TBC1D2B: variants seen among roughly 807,000 people sequenced by gnomAD.
The protein encoded by TBC1D2B is TBC1 domain family member 2B.
A neutral mutation model predicts 100.8 loss-of-function variants in TBC1D2B; 64 were observed. The observed-to-expected ratio is 0.64, with a 90% CI of 0.52 to 0.78. TBC1D2B has a LOEUF of 0.78. Among genes scored for constraint, TBC1D2B ranks in the 30% least tolerant of loss-of-function variants. The probability of loss-of-function intolerance (pLI) is 0.00; values close to 1 mark genes in which losing one functional copy is unlikely to be tolerated. For missense variants in TBC1D2B, 1,052 were observed against 1,218.4 expected, an observed-to-expected ratio of 0.86 and a Z score of 2.03; for synonymous variants, 480 against 479.7, an observed-to-expected ratio of 1.00 and a Z score of -0.01.
intron 11 of TBC1D2B, chr15:78,002,962 A>C: frequency 5.1e-6 from 1 of 195,280 alleles, no homozygotes; most frequent in Non-Finnish European, 1.1e-5. Flanking sequence ...AGCCCCCCTA[A>C]TCCCCTGCTT....
intron 1 of TBC1D2B, among the ~76,000 whole-genome samples, chr15:78,060,265 A>G (rs2073515346): frequency 6.6e-6 from 1 of 152,168 alleles, no homozygotes; most frequent in South Asian, 2.1e-4. Context: ...GCAAGCAAAC[A>G]TTTTCCTTTA....
Position 78,044,839 on chromosome 15 carries a change from T to C in TBC1D2B, c.683+61A>G, listed in dbSNP as rs534541702. 5.7e-6 allele frequency: 8 copies of C among 1,391,790 alleles called. No homozygotes were observed. In the South Asian group the frequency reaches 9.7e-5, roughly 17 times the overall value. The allele number at this position is 1,391,790 out of a possible 1,614,324, so 86.2% of individuals were successfully genotyped here. On this transcript the variant is annotated intron_variant, in intron 3 of 12. Coordinates refer to ENST00000300584, the MANE Select transcript of TBC1D2B (RefSeq NM_144572.2). Reference sequence around the variant, plus strand: ...TTTTATAACTTCATTTATAAAATTATAACATACATTATCAGAAACAACCCA... The same window carrying C: ...TTTTATAACTTCATTTATAAAATTACAACATACATTATCAGAAACAACCCA...
chr15:77,998,409 C>T (rs531464630), intron 12 of TBC1D2B, 54 bp from the exon 13 acceptor site: 193 of 1,479,848 alleles, frequency 1.3e-4, no homozygotes, highest in Non-Finnish European at 1.7e-4. Flanking sequence ...AGAGAGTGCT[C>T]ACACACAGCC....
chr15:78,054,352 T>C lies in TBC1D2B; in HGVS notation c.361-165A>G, dbSNP rs79855541. Among the ~76,000 whole-genome samples, 1,971 of 152,310 alleles carry C rather than the reference T, an allele frequency of 0.013. 44 individuals are homozygous for C. The highest frequency in any genetic ancestry group is 0.045 in the African/African-American group (1,850 of 41,548). ...ATTAGTAGCTTTTGCTCATGATGAG[T>C]TGGTCAAGCAAATAGCAATTGTAAC... On this transcript the variant is annotated intron_variant, in intron 1 of 12. Coordinates refer to ENST00000300584, the MANE Select transcript of TBC1D2B (RefSeq NM_144572.2).
At chr15:78,044,799 G>T in intron 3 of TBC1D2B, 101 bp downstream of exon 3, 1 of 1,126,732 alleles carries the variant, frequency 8.9e-7, no homozygotes. Flanking sequence ...AAAGGCCTTT[G>T]TAAGTGTAAG....
At chr15:78,008,550 TG>T (rs1302121477) in intron 10 of TBC1D2B, among the ~76,000 whole-genome samples, 3 of 152,220 alleles carry the variant, frequency 2.0e-5, no homozygotes, top group Admixed American at 2.0e-4. Context: ...CCTCCCTTCC[TG>T]GGGCTGGAAC....
At chr15:78,042,329 T>G (rs1307100265) in intron 3 of TBC1D2B, among the ~76,000 whole-genome samples, 3 of 152,102 alleles carry the variant, frequency 2.0e-5, no homozygotes, top group African/African-American at 7.2e-5. Context: ...GTCCCCCAAA[T>G]GTGTTCTTAT....
Position 77,995,557 on chromosome 15 carries a change from T to C in TBC1D2B, c.*2603A>G, listed in dbSNP as rs1156969946. The C allele has an allele frequency of 2.6e-5, 4 of 152,162 alleles. No homozygotes were observed. Among genetic ancestry groups the C allele is most frequent in the East Asian group, 3.9e-4 (2 of 5,108 alleles). The allele number at this position is 152,162 out of a possible 1,614,324, so 9.4% of individuals were successfully genotyped here. A position where few individuals can be genotyped will look rare whatever the true frequency, so the allele number is the denominator to read the frequency against. ...ACACACATAACATAATAACTTGTTATATAAAATAGATATGTGGAATCTAGA... is the reference window on the plus strand; with the variant it reads ...ACACACATAACATAATAACTTGTTACATAAAATAGATATGTGGAATCTAGA... On this transcript the variant is annotated 3_prime_UTR_variant, in exon 13 of 13. Transcript: ENST00000300584.
At chr15:78,075,654 G>A (rs1476327378) in intron 1 of TBC1D2B, among the ~76,000 whole-genome samples, 2 of 152,208 alleles carry the variant, frequency 1.3e-5, no homozygotes, top group Non-Finnish European at 2.9e-5. Context: ...TCTCCCACTA[G>A]GGTCATTACC....
At position 78,057,887 on chromosome 15, in the gene TBC1D2B, C is replaced by A. The variant is rs1463760041; in HGVS notation, c.361-3700G>T. Among the ~76,000 whole-genome samples the A allele has an allele frequency of 2.6e-5, 4 of 152,178 alleles. No homozygotes were observed. The East Asian group carries it at 5.8e-4, about 22-fold the overall frequency. ...TCAGCAGAAATCCAAAAAGCCTCTGCGTTTTTTATCTGGTATCTTTTAGCA... is the reference window on the plus strand; with the variant it reads ...TCAGCAGAAATCCAAAAAGCCTCTGAGTTTTTTATCTGGTATCTTTTAGCA... On this transcript the variant is annotated intron_variant, in intron 1 of 12. Coordinates refer to ENST00000300584, the MANE Select transcript of TBC1D2B (RefSeq NM_144572.2).
Position 78,001,749 on chromosome 15 carries a change from T to C in TBC1D2B, c.2575-9A>G. On this transcript the variant is annotated splice_polypyrimidine_tract_variant and intron_variant, in intron 11 of 12. Coordinates refer to ENST00000300584, the MANE Select transcript of TBC1D2B (RefSeq NM_144572.2). ...GCAAAACGGAAAATAACCTGTGGAA[T>C]AAACAGGGAAATCTGTTAGTGGAAA... The C allele has an allele frequency of 6.2e-7, 1 of 1,600,828 alleles. No individual in the cohort carries two copies. The highest frequency in any genetic ancestry group is 8.5e-7 in the Non-Finnish European group (1 of 1,173,760).
At chr15:78,040,650 GAGAA>G (rs67225231) in intron 3 of TBC1D2B, among the ~76,000 whole-genome samples, 105,208 of 118,466 alleles carry the variant, frequency 0.89, 47,265 homozygotes, top group East Asian at 0.99. Flanking sequence ...AAGAAAGGAA[GAGAA>G]AGAAAGAAAG....
At chr15:78,054,899 G>T (rs1329932466) in intron 1 of TBC1D2B, among the ~76,000 whole-genome samples, 3 of 152,022 alleles carry the variant, frequency 2.0e-5, no homozygotes, top group Non-Finnish European at 4.4e-5. Flanking sequence ...GTTTATAGAG[G>T]TTTTATTCAT....
chr15:78,032,155 C>CA (rs2072831525), intron 3 of TBC1D2B, among the ~76,000 whole-genome samples: 1 of 152,106 alleles, frequency 6.6e-6, no homozygotes, highest in African/African-American at 2.4e-5. Context: ...GGGAGAGAAC[C>CA]AACTGAGAGA....
chr15:78,017,565 A>G (rs919299975), intron 7 of TBC1D2B, among the ~76,000 whole-genome samples: 2 of 152,230 alleles, frequency 1.3e-5, no homozygotes, highest in Non-Finnish European at 2.9e-5. Context: ...TTCTTTTTTT[A>G]ACTAGAGAAA....
rs4887000 is a variant in TBC1D2B, at chr15:78,062,783, C to T, written c.361-8596G>A. Among the ~76,000 whole-genome samples the T allele has an allele frequency of 3.9e-5, 6 of 152,004 alleles. No individual in the cohort carries two copies. In the South Asian group the frequency reaches 1.2e-3, roughly 32 times the overall value. On this transcript the variant is annotated intron_variant, in intron 1 of 12. Coordinates refer to ENST00000300584, the MANE Select transcript of TBC1D2B (RefSeq NM_144572.2). ...ATTATATTAGACACCATCAATTAAACAATTACTGTGTGCCAGACACTATGC... is the reference window on the plus strand; with the variant it reads ...ATTATATTAGACACCATCAATTAAATAATTACTGTGTGCCAGACACTATGC...
chr15:78,072,918 TA>T (rs1435846252), intron 1 of TBC1D2B, among the ~76,000 whole-genome samples: 3 of 152,178 alleles, frequency 2.0e-5, no homozygotes, highest in Non-Finnish European at 4.4e-5. Context: ...CAAAAGGTAC[TA>T]GGCATCCTGG....
intron 10 of TBC1D2B, among the ~76,000 whole-genome samples, chr15:78,006,520 C>T (rs1453560834): frequency 6.6e-6 from 1 of 152,256 alleles, no homozygotes. Context: ...CGAAAGCCCA[C>T]CCTCTGGGAA....
intron 3 of TBC1D2B, among the ~76,000 whole-genome samples, chr15:78,034,991 G>A (rs1466139386): frequency 1.3e-5 from 2 of 152,008 alleles, no homozygotes; most frequent in East Asian, 1.9e-4. Flanking sequence ...AAATGGAGGC[G>A]TTTTTTTAGC....
Sources: allele counts gnomAD v4.1 joint callset (sites outside exome capture counted in the v4.1 genomes callset), GRCh38; gene constraint gnomAD v4.1.1; transcripts MANE v1.5; gene names NCBI Gene and HGNC (gene_info 2026-07-23, HGNC 2026-07-21).